The following ELK3 variants were observed in gnomAD, a reference collection of about 807,000 sequenced individuals.
The protein encoded by ELK3 is ETS domain-containing protein Elk-3.
In ELK3, 10 loss-of-function variants were observed where a neutral mutation model predicts 28.9. That is an observed-to-expected ratio of 0.35 (90% confidence interval 0.21 to 0.59). The LOEUF is 0.59. Among genes scored for constraint, ELK3 ranks in the 20% least tolerant of loss-of-function variants. The probability of loss-of-function intolerance (pLI) is 0.82; values close to 1 mark genes in which losing one functional copy is unlikely to be tolerated. For synonymous variants in ELK3, 272 were observed against 243.5 expected, an observed-to-expected ratio of 1.12 and a Z score of -1.09; for missense variants, 463 against 517.3, an observed-to-expected ratio of 0.90 and a Z score of 1.02.
intron 2 of ELK3, among the ~76,000 whole-genome samples, chr12:96,245,949 T>C (rs1198101043): frequency 6.6e-6 from 1 of 152,190 alleles, no homozygotes; most frequent in Non-Finnish European, 1.5e-5. Flanking sequence ...CAACTAAAAA[T>C]ACTGTCAATG....
intron 2 of ELK3, among the ~76,000 whole-genome samples, chr12:96,238,956 G>A (rs1319946224): frequency 6.6e-6 from 1 of 152,108 alleles, no homozygotes; most frequent in Non-Finnish European, 1.5e-5. Context: ...TCTGGAAGAG[G>A]GTGTGGTAGT....
At chr12:96,219,450 T>C (rs1358010756) in intron 1 of ELK3, among the ~76,000 whole-genome samples, 3 of 152,202 alleles carry the variant, frequency 2.0e-5, no homozygotes, top group Admixed American at 1.3e-4. Context: ...GGGCAAAATT[T>C]CCAACTGGCA....
rs1009625137 is a variant in ELK3 at position 96,194,616 on chromosome 12, G to C, written c.-92G>C. On this transcript the variant is annotated 5_prime_UTR_variant, in exon 1 of 5. Coordinates refer to ENST00000228741, the MANE Select transcript of ELK3 (RefSeq NM_005230.4). ...GATCTCATTACAAGAGCCACAGACC[G>C]TCTGCAGACGCCTGTCAGCATGGAA... 5.3e-5 allele frequency: 8 copies of C among 150,150 alleles called. No homozygotes were observed. The highest frequency in any genetic ancestry group is 1.9e-4 in the African/African-American group (8 of 41,182). 9.3% of individuals were successfully genotyped at this position (150,150 alleles called of 1,614,324 possible).
intron 1 of ELK3, among the ~76,000 whole-genome samples, chr12:96,219,412 C>A (rs139714711): frequency 6.6e-6 from 1 of 152,262 alleles, no homozygotes; most frequent in African/African-American, 2.4e-5. Flanking sequence ...CATGATGGTA[C>A]AAAGTCTGTG....
At chr12:96,252,736 G>C (rs542171288) in intron 3 of ELK3, among the ~76,000 whole-genome samples, 1 of 152,212 alleles carries the variant, frequency 6.6e-6, no homozygotes, top group African/African-American at 2.4e-5. Flanking sequence ...TCACAGATGA[G>C]CAGAGAAAGT....
At chr12:96,213,524 A>G (rs190193425) in intron 1 of ELK3, among the ~76,000 whole-genome samples, 9 of 152,268 alleles carry the variant, frequency 5.9e-5, no homozygotes, top group Admixed American at 4.6e-4. Context: ...AATGGTTGTA[A>G]GACATTTTCT....
chr12:96,209,868 G>T (rs1951564843), intron 1 of ELK3, among the ~76,000 whole-genome samples: 1 of 151,116 alleles, frequency 6.6e-6, no homozygotes, highest in Admixed American at 6.6e-5. Context: ...GGAGAAGGTT[G>T]AAATACAGAA....
chr12:96,227,343 C>T (rs372295086), intron 2 of ELK3, among the ~76,000 whole-genome samples: 3 of 152,188 alleles, frequency 2.0e-5, no homozygotes, highest in East Asian at 1.9e-4. Flanking sequence ...TTTTTCCCAT[C>T]ATCTCTTCTG....
chr12:96,234,276 C>T (rs530751307), intron 2 of ELK3, among the ~76,000 whole-genome samples: 3 of 152,346 alleles, frequency 2.0e-5, no homozygotes, highest in African/African-American at 7.2e-5. Flanking sequence ...GCCGTCAACA[C>T]TGTGTTGATG....
In ELK3 at chr12:96,248,717, C is replaced by A. The variant is rs374388978; in HGVS notation, c.1002+983C>A. On this transcript the variant is annotated intron_variant, in intron 3 of 4. Coordinates refer to ENST00000228741, the MANE Select transcript of ELK3 (RefSeq NM_005230.4). ...GCCTCTGTAATCTCATCGTAGTTGT[C>A]CCTGTTGTCATTAGCAGCAGCCGCG... Among the ~76,000 whole-genome samples the A allele has an allele frequency of 1.6e-4, 24 of 152,272 alleles. No individual in the cohort carries two copies. The South Asian group carries it at 4.8e-3, about 30-fold the overall frequency.
rs1951864086 is a variant in ELK3 at position 96,247,269 on chromosome 12, C to A, written c.537C>A (p.Val179=). The A allele has an allele frequency of 1.2e-6, 2 of 1,614,116 alleles. No homozygotes were observed. The highest frequency in any genetic ancestry group is 2.7e-5 in the African/African-American group (2 of 74,944). The change falls in exon 3 of 5, where the codon GTC becomes GTA. Residue 179 remains valine, a synonymous_variant. Transcript: ENST00000228741. This position sits in a 1 kb window ranked among gnomAD's most constrained non-coding sequence, Gnocchi z 5.5. The part of the protein sequence containing the change: ...PPEDSPPVEE[V]RTVIRFVTNK... ...AAGACAGCCCCCCCGTGGAAGAAGT[C>A]AGGACTGTGATCAGGTTTGTGACCA...
intron 2 of ELK3, among the ~76,000 whole-genome samples, chr12:96,224,228 A>C (rs1951683258): frequency 1.3e-5 from 2 of 152,244 alleles, no homozygotes; most frequent in African/African-American, 4.8e-5. Flanking sequence ...TTTATAAAAC[A>C]GGAATCAGCA....
intron 3 of ELK3, among the ~76,000 whole-genome samples, chr12:96,255,806 C>T (rs768581500): frequency 2.0e-5 from 3 of 152,014 alleles, no homozygotes; most frequent in East Asian, 1.9e-4. Flanking sequence ...ATTTTTTCCT[C>T]GTTCCATAAT....
intron 1 of ELK3, among the ~76,000 whole-genome samples, chr12:96,199,707 A>T (rs1049352105): frequency 6.6e-6 from 1 of 152,184 alleles, no homozygotes; most frequent in Non-Finnish European, 1.5e-5. Flanking sequence ...CATTTCAATA[A>T]ATTGTGATTT....
Position 96,223,650 on chromosome 12 carries a change from G to A in ELK3, c.84G>A (p.Ser28=), listed in dbSNP as rs138151504. 1.5e-5 allele frequency: 25 copies of A among 1,614,144 alleles called. No homozygotes were observed. In the African/African-American group the frequency reaches 2.3e-4, roughly 15 times the overall value. The change falls in exon 2 of 5, where the codon TCG becomes TCA. Residue 28 remains serine (S), a synonymous_variant. Coordinates refer to ENST00000228741, the MANE Select transcript of ELK3 (RefSeq NM_005230.4). ...QKHEHLICWT[S]NDGEFKLLKA... ...ATGAGCATTTGATCTGCTGGACCTC[G>A]AACGATGGTGAATTCAAGCTCCTCA...
intron 1 of ELK3, among the ~76,000 whole-genome samples, chr12:96,204,749 T>C (rs764678497): frequency 6.6e-6 from 1 of 152,196 alleles, no homozygotes; most frequent in Non-Finnish European, 1.5e-5. Flanking sequence ...AGGAAGATCA[T>C]ACTATTCTAT....
At chr12:96,245,486 T>C (rs1008712425) in intron 2 of ELK3, among the ~76,000 whole-genome samples, 5 of 152,126 alleles carry the variant, frequency 3.3e-5, no homozygotes, top group African/African-American at 1.2e-4. Context: ...TCTAATGAGG[T>C]GCCTTATGTA....
intron 3 of ELK3, among the ~76,000 whole-genome samples, chr12:96,252,048 G>T (rs1311269979): frequency 6.6e-6 from 1 of 152,234 alleles, no homozygotes; most frequent in East Asian, 1.9e-4. Context: ...AGCTTCAAAG[G>T]ACAGGCTGAG....
intron 3 of ELK3, among the ~76,000 whole-genome samples, chr12:96,250,198 G>T (rs1951892787): frequency 6.6e-6 from 1 of 152,192 alleles, no homozygotes; most frequent in Non-Finnish European, 1.5e-5. Context: ...TAGAGCCTCG[G>T]GACTCAGACC....
Sources: allele counts gnomAD v4.1 joint callset (sites outside exome capture counted in the v4.1 genomes callset), GRCh38; gene constraint gnomAD v4.1.1; non-coding constraint Gnocchi (gnomAD v3.1); transcripts MANE v1.5; gene names NCBI Gene and HGNC (gene_info 2026-07-23, HGNC 2026-07-21).